Variants in SPOCK1 observed in about 807,000 individuals in gnomAD.
SPOCK1 encodes the protein testican-1.
Under a neutral mutation model 55.3 loss-of-function variants are expected in SPOCK1, and 23 were observed. The ratio of observed to expected loss-of-function variants is 0.42; its 90% CI spans 0.30 to 0.59. The LOEUF is 0.59. Among genes scored for constraint, SPOCK1 ranks in the 20% least tolerant of loss-of-function variants. The pLI is 0.22. For synonymous variants in SPOCK1, 226 were observed against 221.0 expected (o/e 1.02, Z -0.20); for missense variants, 499 against 552.5 (o/e 0.90, Z 0.97).
intron 2 of SPOCK1, among the ~76,000 whole-genome samples, chr5:137,367,004 A>G (rs1228039744): frequency 6.6e-6 from 1 of 152,262 alleles, no homozygotes; most frequent in African/African-American, 2.4e-5. Context: ...GACAGAGTGC[A>G]CTGTGACAAC....
intron 3 of SPOCK1, among the ~76,000 whole-genome samples, chr5:137,223,106 A>G (rs1046691750): frequency 6.6e-6 from 1 of 152,032 alleles, no homozygotes; most frequent in Non-Finnish European, 1.5e-5. Flanking sequence ...TATCCATGCT[A>G]TGGCAAAAAT....
At position 137,160,529 on chromosome 5, in the gene SPOCK1, TAAA is replaced by T. The variant is rs1194978830; in HGVS notation, c.233-19838_233-19836del. Among the ~76,000 whole-genome samples, 408 of 62,654 alleles carry T rather than the reference TAAA, an allele frequency of 6.5e-3. 1 individual carries two copies. Among genetic ancestry groups the T allele is most frequent in the African/African-American group, 0.014 (226 of 16,668 alleles). 41.1% of individuals were successfully genotyped at this position (62,654 alleles called of 152,430 possible). On this transcript the variant is annotated intron_variant, in intron 3 of 10. Transcript: ENST00000394945. ...TATATACACATATATATATAATATA[TAAA>T]AATATATAATATATATAATATATAT...
rs145500838 is a variant in SPOCK1, at chr5:137,239,566, T to C, written c.232+27444A>G. Among the ~76,000 whole-genome samples the C allele has an allele frequency of 5.2e-3, 792 of 152,234 alleles. 6 individuals are homozygous for C. Among genetic ancestry groups the C allele is most frequent in the Non-Finnish European group, 8.9e-3 (605 of 68,012 alleles). On this transcript the variant is annotated intron_variant, in intron 3 of 10. Transcript: ENST00000394945. ...GGCAGTCTTGTAGGATTGAGTCCTT[T>C]AATTTGTGGGATCTGACACCAACTC...
At chr5:137,431,095 T>C (rs567245268) in intron 2 of SPOCK1, among the ~76,000 whole-genome samples, 1 of 152,232 alleles carries the variant, frequency 6.6e-6, no homozygotes, top group Admixed American at 6.5e-5. Context: ...GAGGGAGCCA[T>C]ACGGGAAAGA....
chr5:137,479,529 C>A (rs757597167), intron 2 of SPOCK1, among the ~76,000 whole-genome samples: 3 of 152,230 alleles, frequency 2.0e-5, no homozygotes, highest in African/African-American at 4.8e-5. Flanking sequence ...TTAACTGGCC[C>A]ATTGATGGGG....
chr5:137,347,214 G>C (rs981342832), intron 2 of SPOCK1, among the ~76,000 whole-genome samples: 2 of 152,152 alleles, frequency 1.3e-5, no homozygotes, highest in African/African-American at 4.8e-5. Flanking sequence ...GTGGCTCCTT[G>C]TGACCACCTG....
chr5:137,329,799 A>T (rs1758138447), intron 2 of SPOCK1, among the ~76,000 whole-genome samples: 1 of 152,174 alleles, frequency 6.6e-6, no homozygotes, highest in Non-Finnish European at 1.5e-5. Context: ...TGCATGGCTC[A>T]CTCAGCATAT....
chr5:137,185,529 A>C (rs1755051993), intron 3 of SPOCK1, among the ~76,000 whole-genome samples: 1 of 152,384 alleles, frequency 6.6e-6, no homozygotes, highest in African/African-American at 2.4e-5. Context: ...CGGACGAATT[A>C]GCTACACTTG....
chr5:137,242,565 G>C (rs1353034322), intron 3 of SPOCK1, among the ~76,000 whole-genome samples: 1 of 152,060 alleles, frequency 6.6e-6, no homozygotes, highest in Non-Finnish European at 1.5e-5. Flanking sequence ...TAATACACTT[G>C]TCTCTACCAA....
At chr5:137,406,305 T>G (rs1351012081) in intron 2 of SPOCK1, among the ~76,000 whole-genome samples, 1 of 152,118 alleles carries the variant, frequency 6.6e-6, no homozygotes, top group Non-Finnish European at 1.5e-5. Context: ...AGGAAGAGAT[T>G]AATTCTAGGA....
chr5:137,194,578 C>T (rs541756491), intron 3 of SPOCK1, among the ~76,000 whole-genome samples: 84 of 152,204 alleles, frequency 5.5e-4, no homozygotes, highest in Admixed American at 1.2e-3. Flanking sequence ...GATAGAAGGA[C>T]GACATGGAAA....
At chr5:137,463,440 C>T (rs936587654) in intron 2 of SPOCK1, among the ~76,000 whole-genome samples, 1 of 140,974 alleles carries the variant, frequency 7.1e-6, no homozygotes, top group Admixed American at 7.9e-5. Flanking sequence ...CATGTTCTCA[C>T]TTATTTGTGG....
intron 3 of SPOCK1, among the ~76,000 whole-genome samples, chr5:137,163,730 A>G (rs1436749308): frequency 6.6e-6 from 1 of 152,194 alleles, no homozygotes; most frequent in Non-Finnish European, 1.5e-5. Flanking sequence ...CTTAGTGACC[A>G]GGCTAGATCG....
At chr5:137,254,945 A>G (rs1323018028) in intron 3 of SPOCK1, among the ~76,000 whole-genome samples, 1 of 152,238 alleles carries the variant, frequency 6.6e-6, no homozygotes, top group Non-Finnish European at 1.5e-5. Context: ...CTCTGTTCCC[A>G]ATGCTAATCA....
intron 2 of SPOCK1, among the ~76,000 whole-genome samples, chr5:137,381,919 C>A (rs544050876): frequency 4.9e-4 from 74 of 152,294 alleles, no homozygotes; most frequent in African/African-American, 1.6e-3. Flanking sequence ...TTGTTTCTAC[C>A]ACATGACTGG....
intron 6 of SPOCK1, among the ~76,000 whole-genome samples, chr5:137,037,823 C>A (rs1053564939): frequency 3.3e-5 from 5 of 152,216 alleles, no homozygotes; most frequent in African/African-American, 1.2e-4. Context: ...CACAGCTGAG[C>A]AGGGAGAGGT....
chr5:137,054,541 G>A (rs964289658), intron 6 of SPOCK1, among the ~76,000 whole-genome samples: 1 of 152,146 alleles, frequency 6.6e-6, no homozygotes, highest in African/African-American at 2.4e-5. Flanking sequence ...CTGCTCATGG[G>A]ACAAGGAGGC....
intron 3 of SPOCK1, among the ~76,000 whole-genome samples, chr5:137,180,841 A>G (rs1371950197): frequency 6.6e-6 from 1 of 152,222 alleles, no homozygotes; most frequent in Non-Finnish European, 1.5e-5. Context: ...CAGAAAGGCC[A>G]TGAAGGAGCT....
chr5:137,388,649 C>A (rs1359735046), intron 2 of SPOCK1, among the ~76,000 whole-genome samples: 1 of 152,146 alleles, frequency 6.6e-6, no homozygotes, highest in Non-Finnish European at 1.5e-5. Context: ...TGGATGGACA[C>A]TCTCACCTTC....
Sources: allele counts gnomAD v4.1 joint callset (sites outside exome capture counted in the v4.1 genomes callset), GRCh38; gene constraint gnomAD v4.1.1; transcripts MANE v1.5; gene names NCBI Gene and HGNC (gene_info 2026-07-23, HGNC 2026-07-21).